NXPH4: variants seen among roughly 807,000 people sequenced by gnomAD.
NXPH4 encodes the protein neurexophilin-4.
NXPH4 carries 8 observed loss-of-function variants against 21.3 expected under a neutral mutation model. That is an observed-to-expected ratio of 0.38 (90% CI 0.22 to 0.68). The LOEUF (loss-of-function observed/expected upper bound fraction) is 0.68. Ranked by LOEUF, NXPH4 falls within the 30% of genes least tolerant of loss-of-function variation. The pLI is 0.53. For missense variants in NXPH4, 418 were observed against 416.8 expected (o/e 1.00, Z -0.03); for synonymous variants, 219 against 192.6 (o/e 1.14, Z -1.13).
chr12:57,220,002 C>A, intron 1 of NXPH4: 1 of 152,524 alleles, frequency 6.6e-6, no homozygotes, highest in Non-Finnish European at 1.5e-5. Flanking sequence ...TCACAGGGGT[C>A]AGAGATGGAG....
At chr12:57,217,933 C>T (rs1202516165) in intron 1 of NXPH4, among the ~76,000 whole-genome samples, 2 of 152,160 alleles carry the variant, frequency 1.3e-5, no homozygotes, top group Non-Finnish European at 2.9e-5. Flanking sequence ...GTGGTGTTGG[C>T]TTTGCATGAG....
intron 1 of NXPH4, chr12:57,221,388 C>T (rs1279905530): frequency 2.2e-6 from 1 of 455,560 alleles, no homozygotes; most frequent in African/African-American, 2.0e-5. Context: ...AAGCAACGGG[C>T]CAGCCTGGAG....
Position 57,225,444 on chromosome 12 carries a change from C to T in NXPH4, c.624C>T (p.Leu208=), listed in dbSNP as rs1435622574. The T allele has an allele frequency of 1.2e-6, 2 of 1,603,730 alleles. No individual in the cohort carries two copies. The highest frequency in any genetic ancestry group is 2.2e-5 in the East Asian group (1 of 44,808). ...CGGGGCCCGGGCTTGGGGGCTCCCT[C>T]GGGGGCGCACTGGCGGGGCCGCTTG... ...AAAGPGLGGS[L]GGALAGPLGG... is the part of the protein sequence containing the mutation. The change falls in exon 2 of 2, where the codon CTC becomes CTT. Residue 208 remains leucine (L), a synonymous_variant. Transcript: ENST00000349394.
intron 1 of NXPH4, 69 bp downstream of exon 1, chr12:57,217,095 A>G: frequency 1.5e-6 from 2 of 1,352,626 alleles, no homozygotes; most frequent in Non-Finnish European, 1.0e-6. Context: ...CCAGTGTGCG[A>G]GGGGCTCCGT....
At position 57,226,406 on chromosome 12, in the gene NXPH4, A is replaced by G. The variant is rs911265973; in HGVS notation, c.*659A>G. 23 of 159,712 alleles carry G rather than the reference A, an allele frequency of 1.4e-4. No individual in the cohort carries two copies. Among genetic ancestry groups the G allele is most frequent in the African/African-American group, 5.2e-4 (21 of 40,108 alleles). 9.9% of individuals were successfully genotyped at this position (159,712 alleles called of 1,614,324 possible). ...CTCTCGGTGATATTTTTTCTACGCC[A>G]AAACAGACGGGAAAGGGAACAAAAT... On this transcript the variant is annotated 3_prime_UTR_variant, in exon 2 of 2. Transcript: ENST00000349394.
At chr12:57,222,182 C>G (rs762201039) in intron 1 of NXPH4, among the ~76,000 whole-genome samples, 2 of 152,208 alleles carry the variant, frequency 1.3e-5, no homozygotes, top group South Asian at 2.1e-4. Flanking sequence ...GCCGTGCCCC[C>G]CCAACTCTTC....
At chr12:57,223,338 A>G (rs922007798) in intron 1 of NXPH4, among the ~76,000 whole-genome samples, 6 of 151,604 alleles carry the variant, frequency 4.0e-5, no homozygotes, top group African/African-American at 1.5e-4. Flanking sequence ...CACAGACACC[A>G]CTCCACAAAT....
chr12:57,222,159 C>T (rs945405906), intron 1 of NXPH4, among the ~76,000 whole-genome samples: 4 of 152,160 alleles, frequency 2.6e-5, no homozygotes, highest in African/African-American at 9.7e-5. Context: ...AACTCCCCTA[C>T]AAGGTCGCTT....
At chr12:57,224,802 A>G (rs1482664363) in intron 1 of NXPH4, 76 bp from the exon 2 acceptor site, 1 of 509,944 alleles carries the variant, frequency 2.0e-6, no homozygotes, top group Non-Finnish European at 3.4e-6. Context: ...GTGGAAAGGG[A>G]CTGGCGTCGA....
At position 57,216,915 on chromosome 12, in the gene NXPH4, T is replaced by G. The variant is rs1322968401; in HGVS notation, c.-55T>G. 1 of 1,412,986 alleles carries G rather than the reference T, an allele frequency of 7.1e-7. No individual in the cohort carries two copies. Among genetic ancestry groups the G allele is most frequent in the African/African-American group, 1.5e-5 (1 of 66,276 alleles). 87.5% of individuals were successfully genotyped at this position (1,412,986 alleles called of 1,614,324 possible). A position where few individuals can be genotyped will look rare whatever the true frequency, so the allele number is the denominator to read the frequency against. Reference sequence around the variant, plus strand: ...GCCCGGAGCCCCGCGTCCCTAGGCCTGGCTCCCGCCTGCCCGAGACCCGCC... The same window carrying G: ...GCCCGGAGCCCCGCGTCCCTAGGCCGGGCTCCCGCCTGCCCGAGACCCGCC... On this transcript the variant is annotated 5_prime_UTR_variant, in exon 1 of 2. Coordinates refer to ENST00000349394, the MANE Select transcript of NXPH4 (RefSeq NM_007224.4). The surrounding 1 kb of genome is among the most constrained non-coding windows in gnomAD (Gnocchi z 5.3).
In NXPH4 at chr12:57,225,344, C is replaced by G. The variant is rs760057309; in HGVS notation, c.524C>G (p.Pro175Arg). The change falls in exon 2 of 2, where the codon CCT becomes CGT. Residue 175 changes from proline to arginine, a missense_variant. By Grantham distance (103) the Pro-to-Arg change is moderately radical. Coordinates refer to ENST00000349394, the MANE Select transcript of NXPH4 (RefSeq NM_007224.4). ...GVWLPGPVPH[P>R]LQSTLALEGV... The stretch of plus-strand genomic sequence containing the variant: ...TGGCTGCCCGGGCCTGTCCCCCACC[C>G]TCTGCAGTCTACGCTCGCCCTGGAG... The G allele has an allele frequency of 5.1e-6, 8 of 1,576,620 alleles. No homozygotes were observed. Among genetic ancestry groups the G allele is most frequent in the Non-Finnish European group, 6.9e-6 (8 of 1,164,604 alleles).
intron 1 of NXPH4, among the ~76,000 whole-genome samples, chr12:57,222,921 C>T (rs1474696684): frequency 1.3e-5 from 2 of 152,120 alleles, no homozygotes; most frequent in African/African-American, 4.8e-5. Flanking sequence ...GTGGCGGGGA[C>T]GGGGACCAGG....
Position 57,226,028 on chromosome 12 carries a change from C to G in NXPH4, c.*281C>G, listed in dbSNP as rs1183259908. 2.0e-6 allele frequency: 2 copies of G among 1,018,696 alleles called. No individual in the cohort carries two copies. The highest frequency in any genetic ancestry group is 3.2e-5 in the African/African-American group (2 of 61,990). 63.1% of individuals were successfully genotyped at this position (1,018,696 alleles called of 1,614,324 possible). A position where few individuals can be genotyped will look rare whatever the true frequency, so the allele number is the denominator to read the frequency against. The stretch of plus-strand genomic sequence containing the variant: ...GGGCTTGGAGGCGGTCCCAATGTCC[C>G]CTGGGTCCACAGTGGGTCCCCTTTT... On this transcript the variant is annotated 3_prime_UTR_variant, in exon 2 of 2. Transcript: ENST00000349394.
rs528732648 is a variant in NXPH4 at position 57,221,625 on chromosome 12, C to T, written c.58-3253C>T. ...CCCCGAATGGGCCTGAAGGAGCCTG[C>T]TGAACCCCCCAGCTGCCGCGCACCT... On this transcript the variant is annotated intron_variant, in intron 1 of 1. Coordinates refer to ENST00000349394, the MANE Select transcript of NXPH4 (RefSeq NM_007224.4). 11 of 296,952 alleles carry T rather than the reference C, an allele frequency of 3.7e-5. 1 individual carries two copies. The highest frequency in any genetic ancestry group is 3.1e-4 in the South Asian group (11 of 35,476). 18.4% of individuals were successfully genotyped at this position (296,952 alleles called of 1,614,324 possible).
At position 57,225,441 on chromosome 12, in the gene NXPH4, CCTCGGGGGCGCACTGGCGGGGCCG is replaced by C; in HGVS notation, c.624_647del (p.Ala213_Leu220del). ...CGGCGGGGCCCGGGCTTGGGGGCTCCCTCGGGGGCGCACTGGCGGGGCCGCTTGGGGGCGCGTTGGGAGTGCCTG... is the reference window on the plus strand; with the variant it reads ...CGGCGGGGCCCGGGCTTGGGGGCTCCCTTGGGGGCGCGTTGGGAGTGCCTG... On this transcript the variant is annotated inframe_deletion, in exon 2 of 2. Transcript: ENST00000349394. The C allele has an allele frequency of 6.2e-7, 1 of 1,603,828 alleles. No homozygotes were observed. Among genetic ancestry groups the C allele is most frequent in the Non-Finnish European group, 8.5e-7 (1 of 1,177,692 alleles).
At chr12:57,221,313 C>T (rs2037089570) in intron 1 of NXPH4, 2 of 455,810 alleles carry the variant, frequency 4.4e-6, no homozygotes, top group African/African-American at 2.0e-5. Flanking sequence ...CCAGCCCAGG[C>T]CTGGACTGTC....
intron 1 of NXPH4, chr12:57,220,041 A>T (rs1047952418): frequency 2.6e-5 from 4 of 152,490 alleles, no homozygotes; most frequent in African/African-American, 9.7e-5. Context: ...GGAACTTTGG[A>T]CCTAGCCCTG....
Position 57,225,531 on chromosome 12 carries a change from T to C in NXPH4, c.711T>C (p.Tyr237=). 6.2e-7 allele frequency: 1 copy of C among 1,612,772 alleles called. No homozygotes were observed. The highest frequency in any genetic ancestry group is 1.3e-5 in the African/African-American group (1 of 74,982). Residue 237 remains tyrosine (Y), a synonymous_variant, in exon 2 of 2, where the codon TAT becomes TAC. Coordinates refer to ENST00000349394, the MANE Select transcript of NXPH4 (RefSeq NM_007224.4). The part of the protein sequence containing the change: ...ESRAFNCHVE[Y]EKTNRARKHR... ...GCGCTTTCAATTGCCACGTGGAGTA[T>C]GAGAAGACAAACCGCGCGCGCAAGC...
Position 57,225,109 on chromosome 12 carries a change from A to G in NXPH4, c.289A>G (p.Ile97Val). The change falls in exon 2 of 2, where the codon ATC becomes GTC. Residue 97 changes from isoleucine (I) to valine (V), a missense_variant. Coordinates refer to ENST00000349394, the MANE Select transcript of NXPH4 (RefSeq NM_007224.4). ...GCAGCGCACCAAGAGGAAGCCGTCC[A>G]TCAAGGCGGCGCGCGCCAAAAAGAT... ...PAQRTKRKPS[I>V]KAARAKKIFG... The G allele has an allele frequency of 6.6e-7, 1 of 1,513,924 alleles. No individual in the cohort carries two copies. 93.8% of individuals were successfully genotyped at this position (1,513,924 alleles called of 1,614,324 possible).
Sources: gnomAD v4.1 joint callset for allele counts (sites outside exome capture counted in the v4.1 genomes callset) on GRCh38, gnomAD v4.1.1 for gene constraint, Gnocchi (gnomAD v3.1) non-coding constraint, MANE v1.5 for transcripts, NCBI Gene and HGNC (gene_info 2026-07-23, HGNC 2026-07-21) for gene names.